ADARB2: variants seen among roughly 807,000 people sequenced by gnomAD.
ADARB2 encodes inactive double-stranded RNA-specific editase B2.
Under a neutral mutation model 62.2 loss-of-function variants are expected in ADARB2, and 25 were observed. That is an observed-to-expected ratio of 0.40 (90% CI 0.29 to 0.56). ADARB2 has a LOEUF of 0.56. Among genes scored for constraint, ADARB2 ranks in the 20% least tolerant of loss-of-function variants. The pLI is 0.43. For missense variants in ADARB2, 1,071 were observed against 1,077.4 expected (o/e 0.99, Z 0.08); for synonymous variants, 572 against 500.8 (o/e 1.14, Z -1.90).
chr10:1,271,566 C>T (rs34519480), intron 3 of ADARB2, among the ~76,000 whole-genome samples: 41,563 of 152,164 alleles, frequency 0.27, 6,679 homozygotes, highest in South Asian at 0.5. Flanking sequence ...CACACAGATG[C>T]ACACATTCAC....
intron 8 of ADARB2, chr10:1,187,912 C>T (rs567757431): frequency 2.7e-6 from 1 of 365,976 alleles, no homozygotes; most frequent in South Asian, 1.9e-5. Context: ...AATAACATCT[C>T]AGCTCACCTG....
chr10:1,230,477 C>T (rs549543037), intron 6 of ADARB2, among the ~76,000 whole-genome samples: 153 of 152,322 alleles, frequency 1.0e-3, no homozygotes, highest in Non-Finnish European at 1.5e-3. Flanking sequence ...TATCCATGGT[C>T]CAACCCTCTT....
At chr10:1,484,087 A>C (rs2131926790) in intron 1 of ADARB2, among the ~76,000 whole-genome samples, 1 of 152,362 alleles carries the variant, frequency 6.6e-6, no homozygotes, top group South Asian at 2.1e-4. Flanking sequence ...CGTCTTCACA[A>C]TAAGCCCATA....
intron 1 of ADARB2, among the ~76,000 whole-genome samples, chr10:1,443,911 T>C (rs1399412303): frequency 1.3e-5 from 2 of 152,154 alleles, no homozygotes; most frequent in Non-Finnish European, 2.9e-5. Context: ...CTACCACTAT[T>C]GCAGGTTAAC....
chr10:1,302,498 G>A (rs112484764), intron 3 of ADARB2, among the ~76,000 whole-genome samples: 8,053 of 149,868 alleles, frequency 0.054, 244 homozygotes, highest in African/African-American at 0.082. Flanking sequence ...CAAAGCAGCC[G>A]GGAAGCTCGA....
chr10:1,587,277 C>T (rs554571602), intron 1 of ADARB2, among the ~76,000 whole-genome samples: 3 of 152,306 alleles, frequency 2.0e-5, no homozygotes, highest in African/African-American at 4.8e-5. Flanking sequence ...AGATGTAAGT[C>T]GGGTTCTGGG....
At chr10:1,199,054 C>T (rs1347732959) in intron 8 of ADARB2, among the ~76,000 whole-genome samples, 1 of 152,256 alleles carries the variant, frequency 6.6e-6, no homozygotes, top group Non-Finnish European at 1.5e-5. Flanking sequence ...AAAATCCTCT[C>T]CTTTCTGGGG....
chr10:1,376,131 G>T (rs1438006168), intron 2 of ADARB2, among the ~76,000 whole-genome samples: 2 of 152,178 alleles, frequency 1.3e-5, no homozygotes, highest in African/African-American at 2.4e-5. Context: ...CGTGCATCTG[G>T]ATTACAAATG....
At chr10:1,354,615 G>A (rs1043424347) in intron 3 of ADARB2, among the ~76,000 whole-genome samples, 3 of 152,248 alleles carry the variant, frequency 2.0e-5, no homozygotes, top group Non-Finnish European at 4.4e-5. Context: ...AGGAGAGGGG[G>A]CTCAGGGGAG....
intron 1 of ADARB2, among the ~76,000 whole-genome samples, chr10:1,673,844 T>C (rs1176695284): frequency 1.3e-5 from 2 of 152,372 alleles, no homozygotes; most frequent in African/African-American, 4.8e-5. Context: ...ACTCAGCCAC[T>C]TCCGGGATGG....
At chr10:1,530,106 C>T (rs1012782182) in intron 1 of ADARB2, among the ~76,000 whole-genome samples, 9 of 151,454 alleles carry the variant, frequency 5.9e-5, no homozygotes, top group South Asian at 2.1e-4. Context: ...CCTGCCAATG[C>T]GGGCACCCAC....
chr10:1,455,802 C>T (rs915402127), intron 1 of ADARB2, among the ~76,000 whole-genome samples: 2 of 152,100 alleles, frequency 1.3e-5, no homozygotes, highest in Non-Finnish European at 2.9e-5. Flanking sequence ...CAAAAGCAAG[C>T]GATTTTTATA....
intron 1 of ADARB2, among the ~76,000 whole-genome samples, chr10:1,391,968 G>A (rs889499948): frequency 6.6e-6 from 1 of 151,738 alleles, no homozygotes; most frequent in Non-Finnish European, 1.5e-5. Flanking sequence ...GTTTTGACAT[G>A]TTGCCCAAGC....
chr10:1,539,953 CA>C (rs1159860398), intron 1 of ADARB2, among the ~76,000 whole-genome samples: 12 of 152,102 alleles, frequency 7.9e-5, no homozygotes, highest in Admixed American at 2.0e-4. Context: ...GGTTTGAAAG[CA>C]GTGATAATTT....
intron 7 of ADARB2, 157 bp downstream of exon 7, chr10:1,216,794 G>T: frequency 9.9e-7 from 1 of 1,009,892 alleles, no homozygotes; most frequent in Non-Finnish European, 1.4e-6. Context: ...GACTGAACAT[G>T]TGGAATGGCT....
At chr10:1,535,785 T>C (rs11250597) in intron 1 of ADARB2, 55,383 of 166,852 alleles carry the variant, frequency 0.33, 9,906 homozygotes, top group East Asian at 0.74. Flanking sequence ...ACTTCTCACC[T>C]GGTGAGCAGT....
At chr10:1,492,969 A>T (rs747421238) in intron 1 of ADARB2, among the ~76,000 whole-genome samples, 38 of 152,348 alleles carry the variant, frequency 2.5e-4, no homozygotes, top group Middle Eastern at 3.4e-3. Flanking sequence ...GAGCAAGGCC[A>T]CACGAAATGC....
At chr10:1,339,403 C>G (rs1358667500) in intron 3 of ADARB2, among the ~76,000 whole-genome samples, 1 of 152,238 alleles carries the variant, frequency 6.6e-6, no homozygotes, top group East Asian at 1.9e-4. Flanking sequence ...AGGAGTCACT[C>G]AGAGCCTTCG....
intron 1 of ADARB2, among the ~76,000 whole-genome samples, chr10:1,467,836 G>T (rs1360048675): frequency 2.0e-5 from 3 of 152,198 alleles, no homozygotes; most frequent in Non-Finnish European, 2.9e-5. Flanking sequence ...CACCAGGGGA[G>T]ACTGGCTCTG....
Sources: allele counts gnomAD v4.1 joint callset (sites outside exome capture counted in the v4.1 genomes callset), GRCh38; gene constraint gnomAD v4.1.1; transcripts MANE v1.5; gene names NCBI Gene and HGNC (gene_info 2026-07-23, HGNC 2026-07-21).